The following HEPH variants were observed in gnomAD, a reference collection of about 807,000 sequenced individuals.
HEPH encodes hephaestin.
A neutral mutation model predicts 80.8 loss-of-function variants in HEPH; 69 were observed. That is an observed-to-expected ratio of 0.85 (90% CI 0.70 to 1.04). The LOEUF (loss-of-function observed/expected upper bound fraction) is 1.04, where lower values mean the gene tolerates loss of function less well. Among genes scored for constraint, HEPH ranks in the 50% least tolerant of loss-of-function variants. HEPH has a pLI of 0.00. For synonymous variants in HEPH, 431 were observed against 322.8 expected (o/e 1.34, Z -3.60); for missense variants, 1,115 against 891.3 (o/e 1.25, Z -3.20).
intron 20 of HEPH, among the ~76,000 whole-genome samples, chrX:66,265,611 A>G (rs1354828897): frequency 9.0e-6 from 1 of 111,326 alleles, no homozygotes; most frequent in African/African-American, 3.3e-5. Flanking sequence ...GGAAAGAACA[A>G]TTGTCTAATG....
chrX:66,261,561 T>C (rs1382641363), intron 19 of HEPH, among the ~76,000 whole-genome samples: 1 of 108,907 alleles, frequency 9.2e-6, no homozygotes, highest in Non-Finnish European at 1.9e-5. Flanking sequence ...TTTTCTATGC[T>C]TTTAAAGAAT....
intron 1 of HEPH, among the ~76,000 whole-genome samples, chrX:66,166,940 C>G (rs1245968681): frequency 8.9e-6 from 1 of 112,260 alleles, no homozygotes; most frequent in African/African-American, 3.2e-5. Flanking sequence ...AGTTTCATTT[C>G]CAAACTATTT....
chrX:66,231,529 C>G (rs1267077444), intron 15 of HEPH, among the ~76,000 whole-genome samples: 1 of 110,223 alleles, frequency 9.1e-6, no homozygotes, highest in African/African-American at 3.3e-5. Context: ...ATTTTATTTT[C>G]TTTGAAGCAA....
chrX:66,200,495 G>A (rs1443087510), intron 11 of HEPH, 45 bp from the exon 12 acceptor site: 1 of 1,065,269 alleles, frequency 9.4e-7, no homozygotes, highest in Admixed American at 2.6e-5. Flanking sequence ...TGCTGGAGTA[G>A]TCTGGTCTCA....
downstream of HEPH, chrX:66,268,628 G>A (rs555675410): frequency 1.8e-5 from 2 of 111,757 alleles, no homozygotes; most frequent in African/African-American, 6.5e-5. Context: ...TTCTTAGCTT[G>A]GTCTCAGTTA....
intron 1 of HEPH, chrX:66,169,905 CTT>C (rs1328794122): frequency 1.8e-5 from 2 of 111,430 alleles, no homozygotes; most frequent in African/African-American, 3.3e-5. Flanking sequence ...AATATGTACT[CTT>C]TTGTGTCTAT....
In HEPH at chrX:66,234,318, A is replaced by G. The variant is rs1480622165; in HGVS notation, c.2564-20717A>G. 3.6e-5 allele frequency among the ~76,000 whole-genome samples: 4 copies of G among 111,540 alleles called. No homozygotes were observed. The East Asian group carries it at 1.1e-3, about 31-fold the overall frequency. On this transcript the variant is annotated intron_variant, in intron 15 of 20. Coordinates refer to ENST00000343002, the MANE Select transcript of HEPH (RefSeq NM_001367233.3). ...TTTAAAAAAAAAAATCCAATCTACT[A>G]TTGATGGGCATTTCAGATGACTCTG...
intron 16 of HEPH, among the ~76,000 whole-genome samples, chrX:66,255,461 A>C (rs187277758): frequency 4.5e-5 from 5 of 111,540 alleles, no homozygotes; most frequent in Middle Eastern, 4.7e-3. Context: ...ACAGAGATTG[A>C]GGTTCTAGTC....
At chrX:66,233,636 A>G (rs890604002) in intron 15 of HEPH, among the ~76,000 whole-genome samples, 1 of 111,064 alleles carries the variant, frequency 9.0e-6, no homozygotes, top group Non-Finnish European at 1.9e-5. Context: ...AACTCAGTGA[A>G]GAAAATCTTC....
chrX:66,251,474 G>T (rs2091003428), intron 15 of HEPH, among the ~76,000 whole-genome samples: 1 of 111,711 alleles, frequency 9.0e-6, no homozygotes, highest in African/African-American at 3.3e-5. Flanking sequence ...TCTATCATAT[G>T]TTTATTTGTC....
upstream of HEPH, among the ~76,000 whole-genome samples, chrX:66,163,283 C>G (rs1055716744): frequency 4.5e-5 from 5 of 111,429 alleles, no homozygotes; most frequent in African/African-American, 1.6e-4. Flanking sequence ...ACTCTTCTCT[C>G]TTTCCACCAG....
At chrX:66,212,475 T>G in intron 15 of HEPH, among the ~76,000 whole-genome samples, 1 of 111,490 alleles carries the variant, frequency 9.0e-6, no homozygotes, top group Non-Finnish European at 1.9e-5. Context: ...CACATATCCA[T>G]CGTGAGATAA....
intron 11 of HEPH, among the ~76,000 whole-genome samples, chrX:66,199,310 A>G (rs181666151): frequency 1.8e-5 from 2 of 109,969 alleles, no homozygotes; most frequent in East Asian, 5.7e-4. Context: ...AAGCCAGATG[A>G]TACCTTTCCA....
intron 15 of HEPH, among the ~76,000 whole-genome samples, chrX:66,213,512 G>C (rs939131190): frequency 4.5e-5 from 5 of 111,748 alleles, no homozygotes; most frequent in Non-Finnish European, 9.4e-5. Context: ...CTATTGTAAA[G>C]CTCTTTCACC....
intron 15 of HEPH, among the ~76,000 whole-genome samples, chrX:66,208,631 CATATATATAT>C (rs56924616): frequency 0.03 from 1,058 of 35,052 alleles, 10 homozygotes; most frequent in Non-Finnish European, 0.045. Flanking sequence ...TATATACATA[CATATATATAT>C]ATATATATAT....
intron 15 of HEPH, among the ~76,000 whole-genome samples, chrX:66,244,666 C>T (rs2090733571): frequency 9.0e-6 from 1 of 111,448 alleles, no homozygotes; most frequent in Non-Finnish European, 1.9e-5. Context: ...TTACCCATTT[C>T]AGCCTGATTA....
At chrX:66,231,685 A>T (rs1306000310) in intron 15 of HEPH, among the ~76,000 whole-genome samples, 2 of 109,322 alleles carry the variant, frequency 1.8e-5, no homozygotes, top group African/African-American at 6.7e-5. Context: ...GGGCTGAGAC[A>T]GTGGGGTTTT....
intron 15 of HEPH, among the ~76,000 whole-genome samples, chrX:66,238,925 C>G (rs929854745): frequency 1.8e-5 from 2 of 112,631 alleles, no homozygotes; most frequent in African/African-American, 6.4e-5. Context: ...TTATCTGCAG[C>G]AGGAGCATGT....
At chrX:66,256,021 A>T in intron 16 of HEPH, 84 bp from the exon 17 acceptor site, 1 of 648,447 alleles carries the variant, frequency 1.5e-6, no homozygotes, top group South Asian at 2.8e-5. Context: ...GTGGGCTTGT[A>T]TGAGAAGCTG....
Sources: gnomAD v4.1 joint callset for allele counts (sites outside exome capture counted in the v4.1 genomes callset) on GRCh38, gnomAD v4.1.1 for gene constraint, MANE v1.5 for transcripts, NCBI Gene and HGNC (gene_info 2026-07-23, HGNC 2026-07-21) for gene names.